Variants in IFT22 observed in about 807,000 individuals in gnomAD.
The protein encoded by IFT22 is intraflagellar transport 22, also known as intraflagellar transport protein 22 homolog.
IFT22 carries 13 observed loss-of-function variants against 21.0 expected under a neutral mutation model. That is an observed-to-expected ratio of 0.62 (90% CI 0.40 to 0.98). The LOEUF is 0.98. IFT22 is among the 50% of genes least tolerant of loss of function. The pLI is 0.00. For missense variants in IFT22, 227 were observed against 228.9 expected (o/e 0.99, Z 0.06); for synonymous variants, 67 against 82.4 (o/e 0.81, Z 1.01).
At chr7:101,318,306 G>C (rs540525191) in intron 2 of IFT22, 93 bp from the exon 3 acceptor site, 5 of 880,234 alleles carry the variant, frequency 5.7e-6, no homozygotes, top group Non-Finnish European at 9.2e-6. Flanking sequence ...GATCACTTGA[G>C]GTCAGGAGTT....
chr7:101,312,867 CTT>C lies in IFT22; in HGVS notation c.*2265_*2266del, dbSNP rs1048972058. ...CTTTTTTTTGAGATGGAGTTTTGCT[CTT>C]GTTGCCCAGGCTGGAGTGCAATGGC... On this transcript the variant is annotated 3_prime_UTR_variant, in exon 5 of 5. Transcript: ENST00000315322. Among the ~76,000 whole-genome samples the C allele has an allele frequency of 3.3e-5, 5 of 150,692 alleles. No individual in the cohort carries two copies. Among genetic ancestry groups the C allele is most frequent in the Admixed American group, 6.6e-5 (1 of 15,092 alleles).
chr7:101,311,037 A>G lies in IFT22; in HGVS notation c.*4097T>C, dbSNP rs557961436. 8.0e-5 allele frequency: 21 copies of G among 263,590 alleles called. No homozygotes were observed. The East Asian group carries it at 1.8e-3, about 23-fold the overall frequency. The allele number at this position is 263,590 out of a possible 1,614,324, so 16.3% of individuals were successfully genotyped here. On this transcript the variant is annotated 3_prime_UTR_variant, in exon 5 of 5. Coordinates refer to ENST00000315322, the MANE Select transcript of IFT22 (RefSeq NM_022777.4). ...GAGATGGAGTCTCGCTCTGTCGCCCAGGCTGGAGTGCAGTGGCGGGACCTC... is the reference window on the plus strand; with the variant it reads ...GAGATGGAGTCTCGCTCTGTCGCCCGGGCTGGAGTGCAGTGGCGGGACCTC...
chr7:101,316,051 T>G, intron 4 of IFT22: 2 of 248,730 alleles, frequency 8.0e-6, no homozygotes, highest in South Asian at 1.7e-4. Flanking sequence ...CAAACTGGAG[T>G]GTAGTGGTGA....
Position 101,310,981 on chromosome 7 carries a change from C to G in IFT22, c.*4153G>C. ...TGGCCATTCAGGTGAACAAAATCTGCTGGGTTAATTTTTTTTTTTTTTTTT... is the reference window on the plus strand; with the variant it reads ...TGGCCATTCAGGTGAACAAAATCTGGTGGGTTAATTTTTTTTTTTTTTTTT... On this transcript the variant is annotated 3_prime_UTR_variant, in exon 5 of 5. Coordinates refer to ENST00000315322, the MANE Select transcript of IFT22 (RefSeq NM_022777.4). The G allele has an allele frequency of 3.5e-6, 1 of 283,322 alleles. No individual in the cohort carries two copies. Among genetic ancestry groups the G allele is most frequent in the Non-Finnish European group, 7.1e-6 (1 of 141,432 alleles). The allele number at this position is 283,322 out of a possible 1,614,324, so 17.6% of individuals were successfully genotyped here. A position where few individuals can be genotyped will look rare whatever the true frequency, so the allele number is the denominator to read the frequency against.
intron 3 of IFT22, among the ~76,000 whole-genome samples, chr7:101,317,308 T>A (rs1475133163): frequency 6.6e-6 from 1 of 152,086 alleles, no homozygotes; most frequent in African/African-American, 2.4e-5. Context: ...ACCACCGTAC[T>A]GGGCTAAGTT....
chr7:101,318,058 GC>G, intron 3 of IFT22, 65 bp downstream of exon 3: 1 of 1,389,330 alleles, frequency 7.2e-7, no homozygotes, highest in Non-Finnish European at 1.0e-6. Context: ...GTGAGCCACC[GC>G]CCCTGGCTTG....
intron 4 of IFT22, 141 bp from the exon 5 acceptor site, chr7:101,315,423 T>C (rs773509793): frequency 1.1e-6 from 1 of 904,454 alleles, no homozygotes; most frequent in Non-Finnish European, 1.7e-6. Flanking sequence ...GAACAGAGAA[T>C]GGGTTTGCTA....
chr7:101,314,164 CTTTTTTT>C lies in IFT22; in HGVS notation c.*963_*969del, dbSNP rs945205257. The C allele has an allele frequency of 7.0e-6, 1 of 143,616 alleles. No homozygotes were observed. Among genetic ancestry groups the C allele is most frequent in the African/African-American group, 2.6e-5 (1 of 38,882 alleles). The allele number at this position is 143,616 out of a possible 1,614,324, so 8.9% of individuals were successfully genotyped here. A position where few individuals can be genotyped will look rare whatever the true frequency, so the allele number is the denominator to read the frequency against. ...GAGCCACCGCTCCTGGGCTAGAACT[CTTTTTTT>C]TTTGAGATGGAGTCTTGCTCTGTTG... On this transcript the variant is annotated 3_prime_UTR_variant, in exon 5 of 5. Coordinates refer to ENST00000315322, the MANE Select transcript of IFT22 (RefSeq NM_022777.4).
intron 4 of IFT22, 125 bp downstream of exon 4, chr7:101,316,215 A>C: frequency 1.1e-6 from 1 of 881,328 alleles, no homozygotes; most frequent in Admixed American, 1.9e-5. Context: ...AGAGGGTAAC[A>C]ATTGCCTAGG....
In IFT22 at chr7:101,315,302, T is replaced by A; in HGVS notation, c.410-20A>T. 1.2e-6 allele frequency: 2 copies of A among 1,613,918 alleles called. No homozygotes were observed. Among genetic ancestry groups the A allele is most frequent in the Non-Finnish European group, 1.7e-6 (2 of 1,179,980 alleles). ...GTGGCGCTTGAAAATGAAGATAAGG[T>A]TAATTAGGCAAAGAGTTTCCATGAA... On this transcript the variant is annotated intron_variant, in intron 4 of 4. Transcript: ENST00000315322.
At chr7:101,315,696 C>T (rs1238949979) in intron 4 of IFT22, 3 of 188,738 alleles carry the variant, frequency 1.6e-5, no homozygotes, top group East Asian at 1.7e-4. Context: ...GTATTCTGCT[C>T]TTTTTTTTTT....
At chr7:101,318,887 G>T in intron 2 of IFT22, 69 bp downstream of exon 2, 1 of 1,257,150 alleles carries the variant, frequency 8.0e-7, no homozygotes, top group Non-Finnish European at 1.2e-6. Context: ...CAGAGCACTG[G>T]GATTAGAGGA....
rs1790183887 is a variant in IFT22, at chr7:101,317,177, AG to A, written c.207-636del. 2.0e-5 allele frequency among the ~76,000 whole-genome samples: 3 copies of A among 151,950 alleles called. No individual in the cohort carries two copies. The South Asian group carries it at 6.2e-4, about 32-fold the overall frequency. On this transcript the variant is annotated intron_variant, in intron 3 of 4. Coordinates refer to ENST00000315322, the MANE Select transcript of IFT22 (RefSeq NM_022777.4). ...TTATTATTATTATTATTATTTTTGGAGACAAGAGTCTGGCTCTGTCGCCCAG... is the reference window on the plus strand; with the variant it reads ...TTATTATTATTATTATTATTTTTGGAACAAGAGTCTGGCTCTGTCGCCCAG...
intron 1 of IFT22, 185 bp downstream of exon 1, chr7:101,321,486 G>C: frequency 1.7e-6 from 1 of 602,752 alleles, no homozygotes; most frequent in Non-Finnish European, 2.9e-6. Flanking sequence ...CCGGGCAGTG[G>C]TTGGAATCAA....
At chr7:101,316,623 A>ATTCTTT (rs1790163523) in intron 3 of IFT22, 81 bp from the exon 4 acceptor site, 1 of 1,458,800 alleles carries the variant, frequency 6.9e-7, no homozygotes, top group African/African-American at 1.4e-5. Context: ...ATATCTTAGT[A>ATTCTTT]TTAAAAGTTG....
rs71540926 is a variant in IFT22 at position 101,311,181 on chromosome 7, G to T, written c.*3953C>A. 0.15 allele frequency among the ~76,000 whole-genome samples: 23,177 copies of T among 151,682 alleles called. 1,866 individuals are homozygous for T. The highest frequency in any genetic ancestry group is 0.16 in the Non-Finnish European group (11,151 of 67,906). ...GCTTATTTTTTGTATTTTTAGTAGA[G>T]GTGGGGTTTCACTGTTAGCCAGGAT... On this transcript the variant is annotated 3_prime_UTR_variant, in exon 5 of 5. Coordinates refer to ENST00000315322, the MANE Select transcript of IFT22 (RefSeq NM_022777.4).
intron 1 of IFT22, among the ~76,000 whole-genome samples, chr7:101,319,398 C>G (rs1225733878): frequency 6.6e-6 from 1 of 151,760 alleles, no homozygotes; most frequent in African/African-American, 2.4e-5. Context: ...ACTTTTGTAT[C>G]TGTAGTAGAA....
rs934461106 is a variant in IFT22 at position 101,310,989 on chromosome 7, A to ATTTT, written c.*4141_*4144dup. On this transcript the variant is annotated 3_prime_UTR_variant, in exon 5 of 5. Transcript: ENST00000315322. ...CAGGTGAACAAAATCTGCTGGGTTA[A>ATTTT]TTTTTTTTTTTTTTTTTTTTTTGAG... 1.0e-4 allele frequency: 24 copies of ATTTT among 239,786 alleles called. No homozygotes were observed. The highest frequency in any genetic ancestry group is 1.5e-4 in the South Asian group (4 of 26,186). The allele number at this position is 239,786 out of a possible 1,614,324, so 14.9% of individuals were successfully genotyped here. A position where few individuals can be genotyped will look rare whatever the true frequency, so the allele number is the denominator to read the frequency against.
At position 101,311,978 on chromosome 7, in the gene IFT22, CA is replaced by C. The variant is rs907550537; in HGVS notation, c.*3155del. On this transcript the variant is annotated 3_prime_UTR_variant, in exon 5 of 5. Coordinates refer to ENST00000315322, the MANE Select transcript of IFT22 (RefSeq NM_022777.4). ...AGACTCTCAAAAAAACAAAACAACACAAAAAAATCTCCTAAGATGATTAAAA... is the reference window on the plus strand; with the variant it reads ...AGACTCTCAAAAAAACAAAACAACACAAAAAATCTCCTAAGATGATTAAAA... Among the ~76,000 whole-genome samples, 3 of 151,854 alleles carry C rather than the reference CA, an allele frequency of 2.0e-5. No homozygotes were observed. Among genetic ancestry groups the C allele is most frequent in the Admixed American group, 6.6e-5 (1 of 15,206 alleles).
Sources: allele counts gnomAD v4.1 joint callset (sites outside exome capture counted in the v4.1 genomes callset), GRCh38; gene constraint gnomAD v4.1.1; transcripts MANE v1.5; gene names NCBI Gene and HGNC (gene_info 2026-07-23, HGNC 2026-07-21).